Variants in GPATCH1 observed in about 807,000 individuals in gnomAD.
GPATCH1 encodes the protein G patch domain-containing protein 1.
In GPATCH1, 73 loss-of-function variants were observed where a neutral mutation model predicts 114.9. The ratio of observed to expected loss-of-function variants is 0.64; its 90% CI spans 0.53 to 0.77. The LOEUF (loss-of-function observed/expected upper bound fraction) is 0.77, where lower values mean the gene tolerates loss of function less well. Among genes scored for constraint, GPATCH1 ranks in the 30% least tolerant of loss-of-function variants. The probability of loss-of-function intolerance (pLI) is 0.00; values close to 1 mark genes in which losing one functional copy is unlikely to be tolerated. For synonymous variants in GPATCH1, 391 were observed against 428.4 expected (o/e 0.91, Z 1.08); for missense variants, 1,058 against 1,144.3 (o/e 0.92, Z 1.09).
At chr19:33,086,547 C>G (rs1465331097) in intron 1 of GPATCH1, among the ~76,000 whole-genome samples, 1 of 152,022 alleles carries the variant, frequency 6.6e-6, no homozygotes, top group East Asian at 1.9e-4. Context: ...CTCACTGCAA[C>G]CTCCTCCTCC....
Position 33,126,683 on chromosome 19 carries a change from C to A in GPATCH1, c.2715C>A (p.Ser905Arg). ...CCGAGAGTTCCGACAGCAGCGACAG[C>A]CAGAGTGACGAGGAAACCGCAGACG... is the stretch of plus-strand genomic sequence containing the variant. ...SSSESSDSSD[S>R]QSDEETADVS... The change falls in exon 19 of 20, where the codon AGC (serine) becomes AGA (arginine). Residue 905 changes from serine (S) to arginine (R), a missense_variant. Ser to Arg is a moderately radical substitution (Grantham distance 110, BLOSUM62 -1). Transcript: ENST00000170564. 6.2e-7 allele frequency: 1 copy of A among 1,613,964 alleles called. No homozygotes were observed. Among genetic ancestry groups the A allele is most frequent in the Non-Finnish European group, 8.5e-7 (1 of 1,179,980 alleles).
intron 10 of GPATCH1, among the ~76,000 whole-genome samples, chr19:33,107,918 G>A (rs187816727): frequency 1.3e-5 from 2 of 151,576 alleles, no homozygotes; most frequent in South Asian, 4.2e-4. Flanking sequence ...TGTTACATGT[G>A]TATACATGTG....
chr19:33,087,306 A>G (rs2145300609), intron 1 of GPATCH1, among the ~76,000 whole-genome samples: 1 of 152,274 alleles, frequency 6.6e-6, no homozygotes, highest in East Asian at 1.9e-4. Flanking sequence ...ATTGTAGTTG[A>G]TAAAACGAGG....
In GPATCH1 at chr19:33,094,438, G is replaced by A. The variant is rs114971153; in HGVS notation, c.553+169G>A. On this transcript the variant is annotated intron_variant, in intron 5 of 19. Transcript: ENST00000170564. The stretch of plus-strand genomic sequence containing the variant: ...TGATCCTTCCACGTTAGCCCCGCAA[G>A]TAGCTGGGACCACAGGCATGTGCCA... Among the ~76,000 whole-genome samples the A allele has an allele frequency of 2.0e-3, 311 of 152,214 alleles. 1 individual carries two copies. Among genetic ancestry groups the A allele is most frequent in the African/African-American group, 7.0e-3 (291 of 41,542 alleles).
intron 1 of GPATCH1, 122 bp downstream of exon 1, chr19:33,081,388 C>A: frequency 2.4e-6 from 2 of 827,954 alleles, no homozygotes; most frequent in Non-Finnish European, 1.9e-6. Flanking sequence ...GGGAACACGG[C>A]GACGAGGGAG....
rs556318072 is a variant in GPATCH1 at position 33,086,379 on chromosome 19, C to T, written c.74-1755C>T. Among the ~76,000 whole-genome samples, 3 of 152,298 alleles carry T rather than the reference C, an allele frequency of 2.0e-5. No individual in the cohort carries two copies. The East Asian group carries it at 5.8e-4, about 29-fold the overall frequency. On this transcript the variant is annotated intron_variant, in intron 1 of 19. Transcript: ENST00000170564. ...ATGATATTTAATCCTCGTTACCACC[C>T]TACAAAGATGGGCTTCTTTATTACC...
intron 17 of GPATCH1, among the ~76,000 whole-genome samples, chr19:33,121,337 G>C (rs76509786): frequency 5.5e-5 from 2 of 36,368 alleles, no homozygotes; most frequent in Non-Finnish European, 1.1e-4. Context: ...TTTTTTTTTT[G>C]AGATGGAGTT....
intron 7 of GPATCH1, 108 bp from the exon 8 acceptor site, chr19:33,097,647 T>G: frequency 1.0e-6 from 1 of 990,426 alleles, no homozygotes; most frequent in Non-Finnish European, 1.5e-6. Context: ...TTGGTGATCT[T>G]GAAGTGCTAA....
chr19:33,088,276 T>A lies in GPATCH1; in HGVS notation c.208+8T>A. ...CTGTTGGCTCAAAAGAAGGTATCAT[T>A]TTCCTAATTGTAGCTATTATACCAT... On this transcript the variant is annotated splice_region_variant and intron_variant, in intron 2 of 19. Coordinates refer to ENST00000170564, the MANE Select transcript of GPATCH1 (RefSeq NM_018025.3). 1 of 1,588,040 alleles carries A rather than the reference T, an allele frequency of 6.3e-7. No homozygotes were observed. Among genetic ancestry groups the A allele is most frequent in the Non-Finnish European group, 8.6e-7 (1 of 1,165,380 alleles).
chr19:33,093,231 G>A, intron 3 of GPATCH1, 128 bp from the exon 4 acceptor site: 1 of 604,438 alleles, frequency 1.7e-6, no homozygotes, highest in South Asian at 2.2e-5. Context: ...GTGTATGTCT[G>A]TCACTCTGCT....
chr19:33,100,927 G>A (rs543237227), intron 8 of GPATCH1, among the ~76,000 whole-genome samples: 1 of 152,212 alleles, frequency 6.6e-6, no homozygotes, highest in African/African-American at 2.4e-5. Context: ...ACCAGAAGAC[G>A]ATCCCCACCT....
chr19:33,113,647 G>T (rs1425113697), intron 13 of GPATCH1, 120 bp from the exon 14 acceptor site: 2 of 733,308 alleles, frequency 2.7e-6, no homozygotes, highest in East Asian at 2.7e-5. Context: ...AGAAGTGAAA[G>T]CATCTTAGGA....
At chr19:33,116,170 T>G (rs1253183490) in intron 15 of GPATCH1, among the ~76,000 whole-genome samples, 1 of 152,184 alleles carries the variant, frequency 6.6e-6, no homozygotes, top group African/African-American at 2.4e-5. Flanking sequence ...TTTACTCTCC[T>G]CCCTCTATGC....
At position 33,100,727 on chromosome 19, in the gene GPATCH1, C is replaced by T. The variant is rs140628428; in HGVS notation, c.1001-768C>T. Among the ~76,000 whole-genome samples, 380 of 150,880 alleles carry T rather than the reference C, an allele frequency of 2.5e-3. 3 individuals are homozygous for T. The highest frequency in any genetic ancestry group is 0.014 in the Middle Eastern group (4 of 280). On this transcript the variant is annotated intron_variant, in intron 8 of 19. Coordinates refer to ENST00000170564, the MANE Select transcript of GPATCH1 (RefSeq NM_018025.3). ...TCTGCACTGCTTGCTGTTCCTGCTT[C>T]AGGCCTGAGCTCCTAGCCTGTGAAA...
At chr19:33,086,921 C>T (rs1290371701) in intron 1 of GPATCH1, among the ~76,000 whole-genome samples, 1 of 151,838 alleles carries the variant, frequency 6.6e-6, no homozygotes, top group Non-Finnish European at 1.5e-5. Flanking sequence ...TTGCAGTGAG[C>T]CAAGATCATG....
chr19:33,089,620 A>ATTT (rs538212347), intron 2 of GPATCH1, among the ~76,000 whole-genome samples: 3 of 144,482 alleles, frequency 2.1e-5, no homozygotes, highest in African/African-American at 7.7e-5. Flanking sequence ...ATCTTTTATA[A>ATTT]TTTTTTTTTT....
Position 33,109,036 on chromosome 19 carries a change from TG to T in GPATCH1, c.1286-679del, listed in dbSNP as rs1286542377. ...GGAGTTGAGACCAGCTTGGGAAACA[TG>T]GCGTAATCCCGTCTACAAAAAATAC... On this transcript the variant is annotated intron_variant, in intron 10 of 19. Coordinates refer to ENST00000170564, the MANE Select transcript of GPATCH1 (RefSeq NM_018025.3). Among the ~76,000 whole-genome samples, 7 of 151,248 alleles carry T rather than the reference TG, an allele frequency of 4.6e-5. No homozygotes were observed. The East Asian group carries it at 1.4e-3, about 30-fold the overall frequency.
chr19:33,121,305 T>TTTTTCTTTTC (rs200495117), intron 17 of GPATCH1, among the ~76,000 whole-genome samples: 4 of 142,360 alleles, frequency 2.8e-5, no homozygotes, highest in Admixed American at 7.2e-5. Context: ...TGTCTTTTTC[T>TTTTTCTTTTC]TTTTCTTTTC....
At chr19:33,128,362 G>A (rs138853057) in intron 19 of GPATCH1, among the ~76,000 whole-genome samples, 2,537 of 152,288 alleles carry the variant, frequency 0.017, 68 homozygotes, top group African/African-American at 0.057. Flanking sequence ...CTGGGTTCAC[G>A]CCATTCTCCT....
Sources: allele counts gnomAD v4.1 joint callset (sites outside exome capture counted in the v4.1 genomes callset), GRCh38; gene constraint gnomAD v4.1.1; transcripts MANE v1.5; gene names NCBI Gene and HGNC (gene_info 2026-07-23, HGNC 2026-07-21).